AREL1: variants seen among roughly 807,000 people sequenced by gnomAD.
AREL1 encodes apoptosis-resistant E3 ubiquitin protein ligase 1.
Under a neutral mutation model 99.0 loss-of-function variants are expected in AREL1, and 62 were observed. The observed-to-expected ratio is 0.63, with a 90% CI of 0.51 to 0.77. The LOEUF is 0.77. Ranked by LOEUF, AREL1 falls within the 30% of genes least tolerant of loss-of-function variation. The pLI is 0.00. For missense variants in AREL1, 879 were observed against 1,027.6 expected (o/e 0.86, Z 1.98); for synonymous variants, 380 against 376.5 (o/e 1.01, Z -0.11).
chr14:74,694,068 T>C (rs1461199186), intron 1 of AREL1, among the ~76,000 whole-genome samples: 2 of 152,012 alleles, frequency 1.3e-5, no homozygotes, highest in African/African-American at 4.8e-5. Context: ...TCCCAGTTAC[T>C]TGGAGGCTGA....
At chr14:74,671,584 T>G in intron 11 of AREL1, 101 bp from the exon 12 acceptor site, 3 of 665,582 alleles carry the variant, frequency 4.5e-6, no homozygotes, top group Middle Eastern at 2.6e-4. Context: ...CTGGACTAAC[T>G]ACGACTGCCT....
intron 2 of AREL1, among the ~76,000 whole-genome samples, chr14:74,687,251 A>G (rs909869403): frequency 1.3e-5 from 2 of 152,162 alleles, no homozygotes; most frequent in Non-Finnish European, 2.9e-5. Flanking sequence ...AGCAGTGCCA[A>G]ATGTATGGCT....
rs2089178371 is a variant in AREL1, at chr14:74,664,902, G to A, written c.2127C>T (p.Asp709=). ...ELELLMCGTG[D]ISVSDFKAHA... ...GGGCTTTGAAGTCAGACACACTGAT[G>A]TCTCCAGTCCCACACATCAGCAGCT... The change falls in exon 18 of 20, where the codon GAC becomes GAT. Residue 709 remains aspartate, a synonymous_variant. Coordinates refer to ENST00000356357, the MANE Select transcript of AREL1 (RefSeq NM_001039479.2). The A allele has an allele frequency of 1.2e-6, 2 of 1,613,772 alleles. No individual in the cohort carries two copies. The highest frequency in any genetic ancestry group is 2.2e-5 in the East Asian group (1 of 44,882).
At chr14:74,664,096 T>A (rs1206066462) in intron 18 of AREL1, 22 bp from the exon 19 acceptor site, 1 of 1,607,046 alleles carries the variant, frequency 6.2e-7, no homozygotes, top group East Asian at 2.2e-5. Flanking sequence ...AGCACAAGGC[T>A]GGGATCACAC....
intron 5 of AREL1, among the ~76,000 whole-genome samples, chr14:74,681,502 C>T (rs528300265): frequency 1.7e-4 from 26 of 151,416 alleles, no homozygotes; most frequent in South Asian, 2.1e-4. Flanking sequence ...GGGGCAGGTA[C>T]GGTGGCTCAT....
chr14:74,680,601 A>C (rs759128259), intron 5 of AREL1, among the ~76,000 whole-genome samples: 1 of 152,242 alleles, frequency 6.6e-6, no homozygotes, highest in Non-Finnish European at 1.5e-5. Flanking sequence ...GAATATTTAT[A>C]GCAGCTTTAT....
chr14:74,670,864 G>A lies in AREL1; in HGVS notation c.1506C>T (p.Asp502=), dbSNP rs781761535. 1 of 1,613,918 alleles carries A rather than the reference G, an allele frequency of 6.2e-7. No individual in the cohort carries two copies. Among genetic ancestry groups the A allele is most frequent in the Non-Finnish European group, 8.5e-7 (1 of 1,179,876 alleles). The change falls in exon 13 of 20, where the codon GAC becomes GAT. Residue 502 remains aspartate (D), a synonymous_variant. Transcript: ENST00000356357. The part of the protein sequence containing the change: ...EVVFQDEEAL[D]WGGPRREWFE... Reference sequence around the variant, plus strand: ...ACCATTCCCGGCGAGGCCCTCCCCAGTCCAGAGCTGAAAAGCATAATGAAA... The same window carrying A: ...ACCATTCCCGGCGAGGCCCTCCCCAATCCAGAGCTGAAAAGCATAATGAAA...
intron 1 of AREL1, among the ~76,000 whole-genome samples, chr14:74,696,192 T>A (rs995139707): frequency 2.0e-5 from 3 of 152,202 alleles, no homozygotes; most frequent in Non-Finnish European, 1.5e-5. Flanking sequence ...GGTCTTAGTC[T>A]TAAAGCTACA....
intron 5 of AREL1, among the ~76,000 whole-genome samples, chr14:74,679,112 C>T (rs1363915357): frequency 6.6e-6 from 1 of 152,172 alleles, no homozygotes; most frequent in African/African-American, 2.4e-5. Flanking sequence ...GTTGCCCAGG[C>T]CGGTCTTGAA....
intron 1 of AREL1, among the ~76,000 whole-genome samples, chr14:74,706,708 A>G (rs1408350048): frequency 6.6e-6 from 1 of 152,256 alleles, no homozygotes; most frequent in Non-Finnish European, 1.5e-5. Flanking sequence ...CAGAATGAGT[A>G]AAATATTCTC....
intron 1 of AREL1, among the ~76,000 whole-genome samples, chr14:74,695,846 T>C (rs775519622): frequency 1.1e-4 from 17 of 152,216 alleles, no homozygotes; most frequent in Non-Finnish European, 2.2e-4. Context: ...GTGAGTCCTA[T>C]GTATGCTGAA....
rs371199914 is a variant in AREL1, at chr14:74,676,280, C to T, written c.693G>A (p.Glu231=). The change falls in exon 7 of 20, where the codon GAG becomes GAA. Residue 231 remains glutamate, a synonymous_variant. Transcript: ENST00000356357. The part of the protein sequence containing the change: ...QEEESTGVSF[E]KSVTSNRQTF... ...TCTGCCTGTTGGATGTTACTGATTTCTCAAATGAGACACCAGTACTCTCTT... is the reference window on the plus strand; with the variant it reads ...TCTGCCTGTTGGATGTTACTGATTTTTCAAATGAGACACCAGTACTCTCTT... 1.9e-6 allele frequency: 3 copies of T among 1,614,046 alleles called. No individual in the cohort carries two copies. In the African/African-American group the frequency reaches 4.0e-5, roughly 22 times the overall value.
chr14:74,712,068 GAA>G (rs1365570759), intron 1 of AREL1: 17 of 61,758 alleles, frequency 2.8e-4, no homozygotes, highest in African/African-American at 8.0e-4. Flanking sequence ...AAAAAAAAAA[GAA>G]AAAAAAAGAA....
chr14:74,701,754 A>C (rs1489976467), intron 1 of AREL1: 1 of 152,244 alleles, frequency 6.6e-6, no homozygotes, highest in Non-Finnish European at 1.5e-5. Context: ...GAGACAAGGC[A>C]AGTCCCTTCT....
intron 5 of AREL1, among the ~76,000 whole-genome samples, chr14:74,679,628 A>T (rs1180830995): frequency 6.6e-6 from 1 of 151,872 alleles, no homozygotes; most frequent in Non-Finnish European, 1.5e-5. Context: ...GGAGTTTGAG[A>T]CCAGCCTGTC....
chr14:74,702,061 C>T (rs955202311), intron 1 of AREL1, among the ~76,000 whole-genome samples: 3 of 152,216 alleles, frequency 2.0e-5, no homozygotes, highest in East Asian at 1.9e-4. Flanking sequence ...CAGCTGCTTT[C>T]GTGGGCTAGC....
At chr14:74,683,171 A>C (rs1465767573) in intron 5 of AREL1, 125 bp downstream of exon 5, 12 of 719,750 alleles carry the variant, frequency 1.7e-5, no homozygotes, top group Middle Eastern at 3.9e-4. Flanking sequence ...TATACTTTAA[A>C]AGGATGAATT....
chr14:74,695,318 G>A (rs11629369), intron 1 of AREL1, among the ~76,000 whole-genome samples: 58,303 of 151,810 alleles, frequency 0.38, 13,342 homozygotes, highest in East Asian at 0.51. Flanking sequence ...GACCACAGGT[G>A]ATTCGCCCGC....
rs1026059906 is a variant in AREL1, at chr14:74,662,391, T to C, written c.*1329A>G. The stretch of plus-strand genomic sequence containing the variant: ...GAGTTGACTGCCCCATTGGGAATGG[T>C]AGCTTGCAGCAAAGCCTTCTTAAAA... On this transcript the variant is annotated 3_prime_UTR_variant, in exon 20 of 20. Transcript: ENST00000356357. 1.0e-5 allele frequency: 4 copies of C among 393,020 alleles called. No homozygotes were observed. The highest frequency in any genetic ancestry group is 2.1e-5 in the African/African-American group (1 of 48,536). 24.3% of individuals were successfully genotyped at this position (393,020 alleles called of 1,614,324 possible).
Sources: allele counts gnomAD v4.1 joint callset (sites outside exome capture counted in the v4.1 genomes callset), GRCh38; gene constraint gnomAD v4.1.1; transcripts MANE v1.5; gene names NCBI Gene and HGNC (gene_info 2026-07-23, HGNC 2026-07-21).